The following MAMDC2 variants were observed in gnomAD, a reference collection of about 807,000 sequenced individuals.
The protein encoded by MAMDC2 is MAM domain containing 2, also known as MAM domain-containing protein 2.
In MAMDC2, 57 loss-of-function variants were observed where a neutral mutation model predicts 89.8. That is an observed-to-expected ratio of 0.63 (90% CI 0.51 to 0.79). The LOEUF (loss-of-function observed/expected upper bound fraction) is 0.79. Among genes scored for constraint, MAMDC2 ranks in the 30% least tolerant of loss-of-function variants. The pLI is 0.00. For synonymous variants in MAMDC2, 313 were observed against 293.4 expected, an observed-to-expected ratio of 1.07 and a Z score of -0.68; for missense variants, 800 against 820.6, an observed-to-expected ratio of 0.97 and a Z score of 0.31.
intron 11 of MAMDC2, among the ~76,000 whole-genome samples, chr9:70,192,650 T>C (rs2032904320): frequency 6.6e-6 from 1 of 152,140 alleles, no homozygotes; most frequent in Non-Finnish European, 1.5e-5. Context: ...TCTTGAGTAA[T>C]AAATATTGGT....
At chr9:70,206,976 T>C (rs1021714668) in intron 11 of MAMDC2, among the ~76,000 whole-genome samples, 4 of 152,200 alleles carry the variant, frequency 2.6e-5, no homozygotes, top group African/African-American at 7.2e-5. Context: ...TTTTTATGGC[T>C]GCATAGTATT....
chr9:70,122,389 C>A (rs1187675009), intron 5 of MAMDC2, among the ~76,000 whole-genome samples: 1 of 152,216 alleles, frequency 6.6e-6, no homozygotes, highest in African/African-American at 2.4e-5. Context: ...GTCCACACAG[C>A]AGGTGAGTTA....
chr9:70,100,885 C>T (rs1219152764), intron 2 of MAMDC2, among the ~76,000 whole-genome samples: 1 of 152,210 alleles, frequency 6.6e-6, no homozygotes, highest in Non-Finnish European at 1.5e-5. Flanking sequence ...ATATACATTT[C>T]TCTCTGTCTC....
intron 11 of MAMDC2, among the ~76,000 whole-genome samples, chr9:70,186,201 T>C (rs757041472): frequency 2.0e-5 from 3 of 152,208 alleles, no homozygotes; most frequent in Non-Finnish European, 4.4e-5. Flanking sequence ...TCCCCATTCA[T>C]CTTCATTCCT....
At chr9:70,174,569 C>T (rs1244785146) in intron 11 of MAMDC2, among the ~76,000 whole-genome samples, 1 of 152,076 alleles carries the variant, frequency 6.6e-6, no homozygotes, top group African/African-American at 2.4e-5. Flanking sequence ...TGCAAAGCCC[C>T]ATAAGTGAAA....
chr9:70,156,276 T>C (rs1231194783), intron 9 of MAMDC2, among the ~76,000 whole-genome samples: 2 of 152,202 alleles, frequency 1.3e-5, no homozygotes, highest in Non-Finnish European at 2.9e-5. Context: ...AATGACAATA[T>C]GATTACATGT....
intron 11 of MAMDC2, among the ~76,000 whole-genome samples, chr9:70,210,694 G>A (rs538463331): frequency 1.3e-5 from 2 of 152,170 alleles, no homozygotes; most frequent in Non-Finnish European, 2.9e-5. Flanking sequence ...TGGTTATTTT[G>A]TTCATTAGTT....
In MAMDC2 at chr9:70,107,864, G is replaced by A. The variant is rs3015211; in HGVS notation, c.149-347G>A. The stretch of plus-strand genomic sequence containing the variant: ...GCCTATGGGGACCAGGGAGATGAAT[G>A]CAATGTGCTAAATGGGCCTGGTGTA... On this transcript the variant is annotated intron_variant, in intron 2 of 13. Coordinates refer to ENST00000377182, the MANE Select transcript of MAMDC2 (RefSeq NM_153267.5). Among the ~76,000 whole-genome samples the A allele has an allele frequency of 8.4e-3, 1,286 of 152,296 alleles. 22 individuals are homozygous for A. Among genetic ancestry groups the A allele is most frequent in the African/African-American group, 0.03 (1,226 of 41,552 alleles).
At chr9:70,146,085 CTTTAT>C (rs999355025) in intron 9 of MAMDC2, among the ~76,000 whole-genome samples, 3 of 152,196 alleles carry the variant, frequency 2.0e-5, no homozygotes, top group Admixed American at 6.5e-5. Flanking sequence ...CCCGACCCTA[CTTTAT>C]CCTCTGTTAA....
intron 2 of MAMDC2, among the ~76,000 whole-genome samples, chr9:70,061,487 G>T (rs1057015496): frequency 6.6e-6 from 1 of 152,138 alleles, no homozygotes; most frequent in Non-Finnish European, 1.5e-5. Context: ...AGGCTCTAGA[G>T]GTTGGCATCC....
At chr9:70,117,834 C>G (rs2030080389) in intron 5 of MAMDC2, among the ~76,000 whole-genome samples, 1 of 152,204 alleles carries the variant, frequency 6.6e-6, no homozygotes, top group East Asian at 1.9e-4. Flanking sequence ...TAATATAGTT[C>G]TGTGCTCATG....
At chr9:70,157,345 C>T (rs1004148583) in intron 9 of MAMDC2, among the ~76,000 whole-genome samples, 1 of 152,194 alleles carries the variant, frequency 6.6e-6, no homozygotes, top group Non-Finnish European at 1.5e-5. Flanking sequence ...GAGCTATAAG[C>T]TCAACTCATG....
intron 11 of MAMDC2, chr9:70,216,535 C>T (rs1003546838): frequency 1.3e-5 from 2 of 152,220 alleles, no homozygotes; most frequent in African/African-American, 4.8e-5. Flanking sequence ...TCCCCAGTGC[C>T]CCATCTCCAA....
At chr9:70,210,206 C>T (rs57477024) in intron 11 of MAMDC2, among the ~76,000 whole-genome samples, 11,113 of 152,126 alleles carry the variant, frequency 0.073, 594 homozygotes, top group East Asian at 0.22. Context: ...CTTTCTGTCT[C>T]GTTGATCTGT....
At chr9:70,214,382 C>A (rs1359499362) in intron 11 of MAMDC2, among the ~76,000 whole-genome samples, 1 of 152,136 alleles carries the variant, frequency 6.6e-6, no homozygotes. Context: ...CAGCAGCATA[C>A]CTGCCATATT....
chr9:70,124,095 C>T (rs2030415178), intron 5 of MAMDC2, among the ~76,000 whole-genome samples: 1 of 152,116 alleles, frequency 6.6e-6, no homozygotes, highest in African/African-American at 2.4e-5. Context: ...GGCTGGGTGC[C>T]GGGCATCCGC....
At chr9:70,147,523 C>G (rs1484057517) in intron 9 of MAMDC2, among the ~76,000 whole-genome samples, 3 of 150,040 alleles carry the variant, frequency 2.0e-5, no homozygotes, top group East Asian at 1.9e-4. Context: ...GTTCCCTTTA[C>G]AACTTTAGTA....
intron 2 of MAMDC2, among the ~76,000 whole-genome samples, chr9:70,057,257 C>T (rs1014504156): frequency 3.3e-5 from 5 of 152,074 alleles, no homozygotes; most frequent in African/African-American, 1.2e-4. Context: ...TTACACCATC[C>T]CCTATTAAAG....
In MAMDC2 at chr9:70,158,625, GAATA is replaced by G. The variant is rs1335425942; in HGVS notation, c.1405-10072_1405-10069del. ...GTGAAAAAATTTTTAATTGATAATT[GAATA>G]AATACATTCAAATGTACTTATATAT... On this transcript the variant is annotated intron_variant, in intron 9 of 13. Coordinates refer to ENST00000377182, the MANE Select transcript of MAMDC2 (RefSeq NM_153267.5). Among the ~76,000 whole-genome samples, 4 of 151,632 alleles carry G rather than the reference GAATA, an allele frequency of 2.6e-5. No individual in the cohort carries two copies. In the East Asian group the frequency reaches 7.7e-4, roughly 29 times the overall value.
Sources: gnomAD v4.1 joint callset for allele counts (sites outside exome capture counted in the v4.1 genomes callset) on GRCh38, gnomAD v4.1.1 for gene constraint, MANE v1.5 for transcripts, NCBI Gene and HGNC (gene_info 2026-07-23, HGNC 2026-07-21) for gene names.